The following RBFOX1 variants were observed in gnomAD, a reference collection of about 807,000 sequenced individuals.
RBFOX1 encodes RNA binding fox-1 homolog 1.
A neutral mutation model predicts 57.7 loss-of-function variants in RBFOX1; 8 were observed. The ratio of observed to expected loss-of-function variants is 0.14; its 90% CI spans 0.08 to 0.25. The LOEUF (loss-of-function observed/expected upper bound fraction) is 0.25. Among genes scored for constraint, RBFOX1 ranks in the 10% least tolerant of loss-of-function variants. The pLI is 1.00. For missense variants in RBFOX1, 611 were observed against 548.5 expected (o/e 1.11, Z -1.14); for synonymous variants, 326 against 222.4 (o/e 1.47, Z -4.15).
intron 5 of RBFOX1, among the ~76,000 whole-genome samples, chr16:7,578,596 G>A (rs1429330801): frequency 6.6e-6 from 1 of 152,106 alleles, no homozygotes; most frequent in Non-Finnish European, 1.5e-5. Flanking sequence ...TTTTACACCT[G>A]GCTGCCTACA....
intron 3 of RBFOX1, among the ~76,000 whole-genome samples, chr16:7,033,445 G>A (rs566122737): frequency 5.9e-5 from 9 of 152,214 alleles, no homozygotes; most frequent in Non-Finnish European, 8.8e-5. Flanking sequence ...GCTTGATCCC[G>A]GGAGGCGGAG....
intron 4 of RBFOX1, among the ~76,000 whole-genome samples, chr16:7,166,177 C>A (rs116626573): frequency 0.013 from 2,015 of 152,138 alleles, 39 homozygotes; most frequent in African/African-American, 0.045. Flanking sequence ...GCACACCCAG[C>A]TAATTTTTGT....
chr16:7,260,925 T>TGCTA (rs2094895096), intron 4 of RBFOX1, among the ~76,000 whole-genome samples: 1 of 152,220 alleles, frequency 6.6e-6, no homozygotes, highest in South Asian at 2.1e-4. Context: ...TTACGGTGAA[T>TGCTA]GCTAGGCTCT....
intron 1 of RBFOX1, among the ~76,000 whole-genome samples, chr16:5,423,119 G>A (rs532953963): frequency 1.3e-5 from 2 of 148,658 alleles, no homozygotes; most frequent in African/African-American, 2.5e-5. Context: ...GGGAGGAAGG[G>A]GAGGGAGGAG....
At chr16:5,779,184 G>C (rs946796137) in intron 3 of RBFOX1, among the ~76,000 whole-genome samples, 4 of 152,174 alleles carry the variant, frequency 2.6e-5, no homozygotes, top group Admixed American at 6.6e-5. Flanking sequence ...TGTTAGGTCA[G>C]CTTTCCTTCC....
chr16:6,525,711 C>G (rs1171665600), intron 2 of RBFOX1, among the ~76,000 whole-genome samples: 1 of 151,896 alleles, frequency 6.6e-6, no homozygotes, highest in Non-Finnish European at 1.5e-5. Context: ...GAACACTGTG[C>G]TTTTAGGTGG....
intron 3 of RBFOX1, among the ~76,000 whole-genome samples, chr16:5,749,717 C>T (rs2053121621): frequency 6.6e-6 from 1 of 152,180 alleles, no homozygotes; most frequent in Admixed American, 6.5e-5. Flanking sequence ...TCAGTTCCAT[C>T]AGGTCATTTA....
chr16:6,590,350 T>C (rs1360714854), intron 2 of RBFOX1, among the ~76,000 whole-genome samples: 1 of 152,216 alleles, frequency 6.6e-6, no homozygotes, highest in Admixed American at 6.5e-5. Context: ...CATTCATTTT[T>C]GTTGTTTCTT....
intron 2 of RBFOX1, among the ~76,000 whole-genome samples, chr16:6,594,558 T>C (rs1334641782): frequency 6.6e-6 from 1 of 151,964 alleles, no homozygotes; most frequent in African/African-American, 2.4e-5. Context: ...AGAATCTAGG[T>C]TTTTAATGTA....
intron 4 of RBFOX1, among the ~76,000 whole-genome samples, chr16:7,117,450 TG>T (rs747026716): frequency 9.2e-5 from 14 of 152,178 alleles, no homozygotes; most frequent in Non-Finnish European, 1.8e-4. Flanking sequence ...TCATGTAAGT[TG>T]GAATTCTAGC....
intron 4 of RBFOX1, among the ~76,000 whole-genome samples, chr16:5,899,459 A>G (rs1470321317): frequency 6.6e-6 from 1 of 152,170 alleles, no homozygotes; most frequent in Non-Finnish European, 1.5e-5. Context: ...ATTAATGAAG[A>G]TTACCAAAGT....
At chr16:6,450,776 T>TATAC (rs1555480492) in intron 2 of RBFOX1, among the ~76,000 whole-genome samples, 486 of 41,750 alleles carry the variant, frequency 0.012, 45 homozygotes, top group African/African-American at 0.06. Flanking sequence ...TGTATATATA[T>TATAC]ATATATATAT....
chr16:6,194,452 C>G (rs370196863), intron 1 of RBFOX1, among the ~76,000 whole-genome samples: 10 of 152,166 alleles, frequency 6.6e-5, no homozygotes, highest in Admixed American at 5.9e-4. Flanking sequence ...CCTCTCTGCT[C>G]TCAGGAACAC....
At chr16:6,135,014 G>T (rs1047628358) in intron 1 of RBFOX1, among the ~76,000 whole-genome samples, 1 of 151,684 alleles carries the variant, frequency 6.6e-6, no homozygotes, top group Non-Finnish European at 1.5e-5. Flanking sequence ...CCCCACTACA[G>T]GCCCCGGTGT....
chr16:6,142,093 C>A (rs779099653), intron 1 of RBFOX1, among the ~76,000 whole-genome samples: 11 of 138,218 alleles, frequency 8.0e-5, no homozygotes, highest in African/African-American at 3.0e-4. Flanking sequence ...CTGCTTCTTG[C>A]TTCTGGCCTG....
chr16:5,986,307 A>C (rs1567223360), intron 4 of RBFOX1, among the ~76,000 whole-genome samples: 2 of 151,878 alleles, frequency 1.3e-5, no homozygotes, highest in Admixed American at 6.6e-5. Context: ...CAGGCCATCT[A>C]CCCGCCCCGG....
chr16:6,867,205 TA>T (rs1312940326), intron 3 of RBFOX1, among the ~76,000 whole-genome samples: 3 of 152,150 alleles, frequency 2.0e-5, no homozygotes, highest in Non-Finnish European at 4.4e-5. Flanking sequence ...AGCATGAAGC[TA>T]TATAAGTCTT....
At chr16:7,018,358 A>G (rs1207937520) in intron 3 of RBFOX1, among the ~76,000 whole-genome samples, 1 of 152,106 alleles carries the variant, frequency 6.6e-6, no homozygotes, top group African/African-American at 2.4e-5. Flanking sequence ...CACCTCCATT[A>G]AGAGTTAGAT....
intron 3 of RBFOX1, among the ~76,000 whole-genome samples, chr16:7,032,661 G>C (rs955023874): frequency 6.6e-6 from 1 of 151,964 alleles, no homozygotes; most frequent in African/African-American, 2.4e-5. Context: ...TGGAATTAAA[G>C]ACGATAATCT....
Sources: gnomAD v4.1 joint callset for allele counts (sites outside exome capture counted in the v4.1 genomes callset) on GRCh38, gnomAD v4.1.1 for gene constraint, MANE v1.5 for transcripts, NCBI Gene and HGNC (gene_info 2026-07-23, HGNC 2026-07-21) for gene names.